CFAP119: variants seen among roughly 807,000 people sequenced by gnomAD.
CFAP119 encodes cilia and flagella associated protein 119.
the CFAP119 span, chr16:30,761,692 T>C: frequency 5.2e-6 from 8 of 1,535,650 alleles, no homozygotes; most frequent in Non-Finnish European, 7.0e-6. Flanking sequence ...CGGAGAGATG[T>C]TCAAGCTCCG....
At chr16:30,761,114 G>C in the CFAP119 span, 27 of 1,488,090 alleles carry the variant, frequency 1.8e-5, no homozygotes, top group Non-Finnish European at 2.3e-5. Context: ...TGTAAAATGG[G>C]GATGCCCTGG....
chr16:30,759,336 C>A, the CFAP119 span: 7 of 1,613,128 alleles, frequency 4.3e-6, no homozygotes, highest in East Asian at 1.6e-4. Context: ...GTCCACCACC[C>A]CCTACCTGGG....
At chr16:30,757,646 G>C in the CFAP119 span, 1 of 1,612,054 alleles carries the variant, frequency 6.2e-7, no homozygotes, top group African/African-American at 1.3e-5. Context: ...CGGAGGACGT[G>C]GATGTGGCCT....
chr16:30,761,358 G>C, the CFAP119 span: 1 of 1,439,360 alleles, frequency 6.9e-7, no homozygotes, highest in Non-Finnish European at 9.8e-7. Context: ...GCGGGCGAGG[G>C]AGGGCTTCAG....
the CFAP119 span, chr16:30,761,119 C>G: frequency 6.6e-7 from 1 of 1,511,630 alleles, no homozygotes; most frequent in South Asian, 1.2e-5. Flanking sequence ...AATGGGGATG[C>G]CCTGGCCACA....
the CFAP119 span, chr16:30,759,813 C>T: frequency 5.3e-6 from 8 of 1,509,758 alleles, 1 homozygote; most frequent in South Asian, 2.7e-5. Context: ...CCATGAGCTT[C>T]AGAAGCAGAC....
At chr16:30,761,384 C>G in the CFAP119 span, 1 of 1,392,732 alleles carries the variant, frequency 7.2e-7, no homozygotes, top group Non-Finnish European at 1.0e-6. Context: ...CCTAGGTGCT[C>G]TACGCGAGCA....
At chr16:30,759,736 A>T in the CFAP119 span, 1 of 1,599,398 alleles carries the variant, frequency 6.3e-7, no homozygotes, top group Non-Finnish European at 8.5e-7. Flanking sequence ...TGGTAGGGAA[A>T]GCAAGATGCA....
the CFAP119 span, chr16:30,759,208 G>A: frequency 1.9e-6 from 3 of 1,614,080 alleles, no homozygotes; most frequent in Non-Finnish European, 2.5e-6. Context: ...AGTTTGGGTG[G>A]CTGTAGCCCC....
the CFAP119 span, chr16:30,757,723 G>T: frequency 6.6e-7 from 1 of 1,522,608 alleles, no homozygotes. Context: ...ATGGTCCCTA[G>T]TTGGGCAAAC....
chr16:30,761,138 T>C, the CFAP119 span: 3 of 1,583,116 alleles, frequency 1.9e-6, no homozygotes, highest in African/African-American at 1.3e-5. Flanking sequence ...CAGACAGGAC[T>C]GTTGGGGAGA....
chr16:30,760,283 C>T, the CFAP119 span: 4 of 1,614,096 alleles, frequency 2.5e-6, no homozygotes, highest in East Asian at 8.9e-5. Context: ...CCCCCTCTCA[C>T]CAATACAAGC....
the CFAP119 span, chr16:30,760,735 T>G: frequency 4.2e-6 from 6 of 1,428,842 alleles, no homozygotes; most frequent in Non-Finnish European, 5.8e-6. Context: ...TGACAGCTAG[T>G]GCGTGAGACT....
the CFAP119 span, chr16:30,757,680 G>A: frequency 2.2e-3 from 3,575 of 1,590,524 alleles, 67 homozygotes; most frequent in African/African-American, 0.043. Flanking sequence ...AGAAGGGGCA[G>A]GGTGAGGAGA....
the CFAP119 span, chr16:30,757,697 G>C: frequency 6.4e-7 from 1 of 1,567,250 alleles, no homozygotes; most frequent in Non-Finnish European, 8.7e-7. Context: ...GAGAGATGCT[G>C]TCTGGCAATG....
At chr16:30,761,779 C>G in the CFAP119 span, 1 of 1,496,618 alleles carries the variant, frequency 6.7e-7, no homozygotes. Flanking sequence ...CGAGGCGCCC[C>G]GGGCTCCCGC....
chr16:30,757,643 C>T, the CFAP119 span: 12 of 1,612,364 alleles, frequency 7.4e-6, no homozygotes, highest in Middle Eastern at 1.7e-4. Flanking sequence ...GCTCGGAGGA[C>T]GTGGATGTGG....
the CFAP119 span, chr16:30,758,537 T>C: frequency 4.8e-6 from 1 of 208,044 alleles, no homozygotes; most frequent in Non-Finnish European, 9.8e-6. Flanking sequence ...CTGGAGCCAC[T>C]TCAGCTGTGC....
chr16:30,759,337 C>G, the CFAP119 span: 12 of 1,613,314 alleles, frequency 7.4e-6, no homozygotes, highest in Middle Eastern at 1.7e-4. Context: ...TCCACCACCC[C>G]CTACCTGGGG....
Sources: allele counts gnomAD v4.1 joint callset, GRCh38; gene constraint gnomAD v4.1.1; transcripts MANE v1.5; gene names NCBI Gene and HGNC (gene_info 2026-07-23, HGNC 2026-07-21).